PTK2: variants seen among roughly 807,000 people sequenced by gnomAD.
The protein encoded by PTK2 is focal adhesion kinase 1.
In PTK2, 45 loss-of-function variants were observed where a neutral mutation model predicts 150.1. The observed-to-expected ratio is 0.30, with a 90% CI of 0.24 to 0.38. The LOEUF (loss-of-function observed/expected upper bound fraction) is 0.38. Among genes scored for constraint, PTK2 ranks in the 10% least tolerant of loss-of-function variants. The pLI is 1.00. For synonymous variants in PTK2, 432 were observed against 449.2 expected, an observed-to-expected ratio of 0.96 and a Z score of 0.48; for missense variants, 919 against 1,307.3, an observed-to-expected ratio of 0.70 and a Z score of 4.58.
chr8:140,758,565 A>G (rs1198833240), intron 16 of PTK2, among the ~76,000 whole-genome samples: 7 of 152,208 alleles, frequency 4.6e-5, no homozygotes, highest in African/African-American at 9.7e-5. Flanking sequence ...GGTCGAAGAC[A>G]GTGATGTGGA....
chr8:140,822,525 G>A (rs1032761786), intron 8 of PTK2: 5 of 152,156 alleles, frequency 3.3e-5, no homozygotes, highest in South Asian at 2.1e-4. Context: ...AGGTAACAAC[G>A]AGGGGGTACA....
intron 1 of PTK2, among the ~76,000 whole-genome samples, chr8:140,967,912 T>G (rs927446132): frequency 1.3e-5 from 2 of 152,198 alleles, no homozygotes; most frequent in African/African-American, 4.8e-5. Context: ...CAACCTATAT[T>G]CTGAAAGAAC....
chr8:140,831,920 T>C (rs1336654289), intron 7 of PTK2, among the ~76,000 whole-genome samples: 1 of 152,228 alleles, frequency 6.6e-6, no homozygotes, highest in East Asian at 1.9e-4. Flanking sequence ...TTTATGCCAA[T>C]CACTACGGAA....
chr8:140,687,145 C>G (rs564535405), intron 26 of PTK2: 6 of 161,364 alleles, frequency 3.7e-5, no homozygotes, highest in Admixed American at 3.2e-4. Context: ...ATATAGAAAC[C>G]AAACAGAGAA....
intron 2 of PTK2, among the ~76,000 whole-genome samples, chr8:140,894,856 C>A (rs923838847): frequency 2.0e-5 from 3 of 152,098 alleles, no homozygotes; most frequent in African/African-American, 4.8e-5. Flanking sequence ...ACTTTTGGTA[C>A]GCTATAGAAG....
intron 27 of PTK2, among the ~76,000 whole-genome samples, chr8:140,678,951 T>C (rs2100015417): frequency 6.6e-6 from 1 of 150,588 alleles, no homozygotes; most frequent in Non-Finnish European, 1.5e-5. Context: ...TTTAAATTTA[T>C]GTGGTGCCTG....
At chr8:140,848,424 T>C (rs369938554) in intron 5 of PTK2, among the ~76,000 whole-genome samples, 4 of 147,636 alleles carry the variant, frequency 2.7e-5, no homozygotes, top group East Asian at 2.0e-4. Context: ...CATCTAAGGC[T>C]GGGTGCTCAA....
At chr8:140,862,041 A>G (rs2100136465) in intron 5 of PTK2, among the ~76,000 whole-genome samples, 1 of 152,244 alleles carries the variant, frequency 6.6e-6, no homozygotes, top group South Asian at 2.1e-4. Context: ...TGGTATGTGC[A>G]GTACTCACTT....
Position 140,678,530 on chromosome 8 carries a change from T to G in PTK2, c.2563-3031A>C, listed in dbSNP as rs111686840. Among the ~76,000 whole-genome samples, 384 of 152,206 alleles carry G rather than the reference T, an allele frequency of 2.5e-3. 7 individuals are homozygous for G. The highest frequency in any genetic ancestry group is 8.7e-3 in the African/African-American group (360 of 41,508). On this transcript the variant is annotated intron_variant, in intron 27 of 31. Coordinates refer to ENST00000522684, the Ensembl canonical transcript of PTK2. ...CATCACACCTGGCTAGTTTTTATATTTCTTGTAGAGACAAGGTTTTGCCAT... is the reference window on the plus strand; with the variant it reads ...CATCACACCTGGCTAGTTTTTATATGTCTTGTAGAGACAAGGTTTTGCCAT...
In PTK2 at chr8:140,793,393, A is replaced by G. The variant is rs199542483; in HGVS notation, c.1094-9T>C. On this transcript the variant is annotated splice_polypyrimidine_tract_variant and intron_variant, in intron 12 of 31. Coordinates refer to ENST00000522684, the Ensembl canonical transcript of PTK2. The stretch of plus-strand genomic sequence containing the variant: ...CAAAGCCCGTTCACCTTCTGCGGGG[A>G]AAAAGAAAAGAGATGCATAAGGCTC... The G allele has an allele frequency of 1.2e-6, 2 of 1,608,676 alleles. No individual in the cohort carries two copies. Among genetic ancestry groups the G allele is most frequent in the Non-Finnish European group, 1.7e-6 (2 of 1,178,466 alleles).
At chr8:140,677,008 T>C (rs1392495224) in intron 27 of PTK2, among the ~76,000 whole-genome samples, 2 of 150,646 alleles carry the variant, frequency 1.3e-5, no homozygotes, top group African/African-American at 4.9e-5. Context: ...ATGGTTATAC[T>C]AAAAGCCCAG....
At chr8:140,952,707 C>A (rs1031222056) in intron 1 of PTK2, among the ~76,000 whole-genome samples, 2 of 152,142 alleles carry the variant, frequency 1.3e-5, no homozygotes, top group Non-Finnish European at 2.9e-5. Context: ...AAAATGCCCA[C>A]AAAAGAGATT....
intron 11 of PTK2, among the ~76,000 whole-genome samples, chr8:140,802,442 A>G (rs1387451387): frequency 6.6e-6 from 1 of 152,220 alleles, no homozygotes; most frequent in Non-Finnish European, 1.5e-5. Flanking sequence ...AAGAGTCAAA[A>G]AAGCCGAAAA....
chr8:140,890,529 A>G lies in PTK2; in HGVS notation c.195+14T>C. ...AATAAACATTAAAGATGTCTCATGG[A>G]AAAACGTACTTACCCTGACATCAGT... is the stretch of plus-strand genomic sequence containing the variant. On this transcript the variant is annotated intron_variant, in intron 3 of 31. Transcript: ENST00000522684. The G allele has an allele frequency of 6.2e-7, 1 of 1,602,400 alleles. No individual in the cohort carries two copies. Among genetic ancestry groups the G allele is most frequent in the Non-Finnish European group, 8.5e-7 (1 of 1,170,260 alleles).
intron 2 of PTK2, among the ~76,000 whole-genome samples, chr8:140,907,669 A>C (rs1415868071): frequency 6.6e-6 from 1 of 152,182 alleles, no homozygotes; most frequent in Non-Finnish European, 1.5e-5. Context: ...AATGTGCTAC[A>C]TTTTGGTAAT....
chr8:140,733,907 T>C (rs565180644), intron 22 of PTK2, among the ~76,000 whole-genome samples: 1 of 152,262 alleles, frequency 6.6e-6, no homozygotes, highest in South Asian at 2.1e-4. Flanking sequence ...CAGTGATACC[T>C]CGGTCTCCTC....
At chr8:140,789,256 T>C (rs1278541750) in intron 14 of PTK2, among the ~76,000 whole-genome samples, 1 of 150,808 alleles carries the variant, frequency 6.6e-6, no homozygotes, top group Admixed American at 6.6e-5. Context: ...CTGAGTGATC[T>C]GGTATTTTAT....
At chr8:140,918,983 C>G (rs1361896830) in intron 2 of PTK2, among the ~76,000 whole-genome samples, 3 of 152,112 alleles carry the variant, frequency 2.0e-5, no homozygotes, top group Non-Finnish European at 4.4e-5. Flanking sequence ...GCCTCCCTGT[C>G]CTGGTACAAG....
intron 31 of PTK2, 42 bp from the exon 36 acceptor site, chr8:140,659,720 T>A (rs75550401): frequency 2.4e-5 from 1 of 41,536 alleles, no homozygotes; most frequent in East Asian, 1.7e-4. Context: ...TTTTCAGTGA[T>A]TTTTTTTTTT....
Sources: gnomAD v4.1 joint callset for allele counts (sites outside exome capture counted in the v4.1 genomes callset) on GRCh38, gnomAD v4.1.1 for gene constraint, MANE v1.5 for transcripts, NCBI Gene and HGNC (gene_info 2026-07-23, HGNC 2026-07-21) for gene names.